Variants in VEPH1 observed in about 807,000 individuals in gnomAD.
The protein encoded by VEPH1 is ventricular zone expressed PH domain containing 1, also known as ventricular zone-expressed PH domain-containing protein homolog 1.
A neutral mutation model predicts 85.2 loss-of-function variants in VEPH1; 80 were observed. That is an observed-to-expected ratio of 0.94 (90% CI 0.78 to 1.13). The LOEUF (loss-of-function observed/expected upper bound fraction) is 1.13. Among genes scored for constraint, VEPH1 ranks in the 50% most tolerant of loss-of-function variants. The pLI is 0.00. For synonymous variants in VEPH1, 297 were observed against 348.0 expected, an observed-to-expected ratio of 0.85 and a Z score of 1.63; for missense variants, 955 against 980.5, an observed-to-expected ratio of 0.97 and a Z score of 0.35.
chr3:157,341,377 T>C (rs1723541412), intron 9 of VEPH1, among the ~76,000 whole-genome samples: 1 of 152,120 alleles, frequency 6.6e-6, no homozygotes. Flanking sequence ...ATATGACGAA[T>C]GCACAAGCTT....
rs890879335 is a variant in VEPH1, at chr3:157,452,248, G to A, written c.529+7933C>T. On this transcript the variant is annotated intron_variant, in intron 4 of 13. Coordinates refer to ENST00000362010, the MANE Select transcript of VEPH1 (RefSeq NM_001167912.2). Reference sequence around the variant, plus strand: ...ATCTTGCAAATGGATGCAGAAACAAGTCATCATCTGCTGAGTGAGCAAGCT... The same window carrying A: ...ATCTTGCAAATGGATGCAGAAACAAATCATCATCTGCTGAGTGAGCAAGCT... Among the ~76,000 whole-genome samples, 4 of 152,174 alleles carry A rather than the reference G, an allele frequency of 2.6e-5. No homozygotes were observed. In the East Asian group the frequency reaches 7.7e-4, roughly 29 times the overall value.
rs141957470 is a variant in VEPH1 at position 157,335,177 on chromosome 3, T to C, written c.1736-17976A>G. Among the ~76,000 whole-genome samples, 429 of 152,204 alleles carry C rather than the reference T, an allele frequency of 2.8e-3. 5 individuals are homozygous for C. The East Asian group carries it at 0.043, about 15-fold the overall frequency. On this transcript the variant is annotated intron_variant, in intron 9 of 13. Transcript: ENST00000362010. ...CACTGGGAAATTGGGAGGTGTTTTT[T>C]TCTTTGACATTCTCAAATACAGTAG...
chr3:157,461,271 T>C (rs1470301865), intron 3 of VEPH1, among the ~76,000 whole-genome samples: 2 of 152,278 alleles, frequency 1.3e-5, no homozygotes, highest in African/African-American at 4.8e-5. Context: ...TTCTACCACA[T>C]AATGTTTTGG....
chr3:157,438,062 C>A (rs1205924981), intron 4 of VEPH1: 2 of 755,400 alleles, frequency 2.6e-6, no homozygotes, highest in Middle Eastern at 3.7e-4. Flanking sequence ...CACACACACA[C>A]ACACACACAC....
rs1466284308 is a variant in VEPH1, at chr3:157,375,293, T to C, written c.1127+5863A>G. On this transcript the variant is annotated intron_variant, in intron 7 of 13. Coordinates refer to ENST00000362010, the MANE Select transcript of VEPH1 (RefSeq NM_001167912.2). Reference sequence around the variant, plus strand: ...CCCCTGTTCTCTGCAGTTTGTGTTGTGGACTCAGTGAAGAGCGATTACTTT... The same window carrying C: ...CCCCTGTTCTCTGCAGTTTGTGTTGCGGACTCAGTGAAGAGCGATTACTTT... Among the ~76,000 whole-genome samples the C allele has an allele frequency of 2.0e-5, 3 of 152,220 alleles. No homozygotes were observed. The East Asian group carries it at 5.8e-4, about 29-fold the overall frequency.
At chr3:157,496,859 ACT>A (rs1157831709) in intron 1 of VEPH1, among the ~76,000 whole-genome samples, 1 of 152,158 alleles carries the variant, frequency 6.6e-6, no homozygotes, top group East Asian at 1.9e-4. Flanking sequence ...TAAGGAAAAT[ACT>A]CTCTATATGC....
chr3:157,405,617 T>C (rs1731084786), intron 6 of VEPH1, among the ~76,000 whole-genome samples: 1 of 152,140 alleles, frequency 6.6e-6, no homozygotes, highest in African/African-American at 2.4e-5. Flanking sequence ...CTCACAGCCT[T>C]TTCCTGGCTG....
intron 12 of VEPH1, chr3:157,285,179 A>T (rs950851275): frequency 7.2e-5 from 11 of 152,204 alleles, no homozygotes; most frequent in Admixed American, 4.6e-4. Flanking sequence ...AAGTTTTATA[A>T]TGGAGGCAGT....
intron 9 of VEPH1, among the ~76,000 whole-genome samples, chr3:157,336,491 C>T (rs1722982082): frequency 6.6e-6 from 1 of 152,222 alleles, no homozygotes; most frequent in Non-Finnish European, 1.5e-5. Context: ...GTTCAGTGAA[C>T]ACTCTTGCAT....
intron 13 of VEPH1, 30 bp from the exon 14 acceptor site, chr3:157,261,400 G>T (rs370498016): frequency 1.9e-5 from 30 of 1,609,774 alleles, no homozygotes; most frequent in Non-Finnish European, 2.4e-5. Flanking sequence ...AAGAACATGG[G>T]CTGGCTGTTA....
rs145684177 is a variant in VEPH1, at chr3:157,308,581, C to CA, written c.2010+5039dup. 5.6e-3 allele frequency among the ~76,000 whole-genome samples: 848 copies of CA among 151,914 alleles called. 9 individuals are homozygous for CA. Among genetic ancestry groups the CA allele is most frequent in the Middle Eastern group, 0.027 (8 of 294 alleles). ...GGAATGTCCTTTTTTTTGCCCCTCT[C>CA]AAAAATTTTCAAACTAGTCTCACCT... On this transcript the variant is annotated intron_variant, in intron 11 of 13. Coordinates refer to ENST00000362010, the MANE Select transcript of VEPH1 (RefSeq NM_001167912.2).
intron 6 of VEPH1, chr3:157,409,562 G>A: frequency 1.1e-6 from 1 of 931,930 alleles, no homozygotes; most frequent in Non-Finnish European, 1.3e-6. Context: ...CTGGGAGATA[G>A]AGAAAATAAG....
In VEPH1 at chr3:157,317,165, G is replaced by T. The variant is rs1293963882; in HGVS notation, c.1772C>A (p.Thr591Asn). The T allele has an allele frequency of 6.2e-7, 1 of 1,612,170 alleles. No homozygotes were observed. Among genetic ancestry groups the T allele is most frequent in the East Asian group, 2.2e-5 (1 of 44,750 alleles). ...VRSCVAKLFF[T>N]CSLKGHYCLY... Reference sequence around the variant, plus strand: ...GCAGTAATGACCCTTCAGGGAGCAGGTGAAGAACAACTTTGCTACACAACT... The same window carrying T: ...GCAGTAATGACCCTTCAGGGAGCAGTTGAAGAACAACTTTGCTACACAACT... The change falls in exon 10 of 14, where the codon ACC becomes AAC. Residue 591 changes from threonine to asparagine, a missense_variant. Transcript: ENST00000362010.
chr3:157,283,626 C>T (rs1001390223), intron 12 of VEPH1, among the ~76,000 whole-genome samples: 2 of 152,154 alleles, frequency 1.3e-5, no homozygotes, highest in African/African-American at 4.8e-5. Context: ...TGTCAGTAAG[C>T]TGAGATACTG....
chr3:157,369,396 A>T (rs1414720421), intron 7 of VEPH1, among the ~76,000 whole-genome samples: 1 of 152,196 alleles, frequency 6.6e-6, no homozygotes, highest in Non-Finnish European at 1.5e-5. Flanking sequence ...AATGTCTGGG[A>T]TAAAGAAATG....
At chr3:157,464,789 A>G (rs1175668906) in intron 3 of VEPH1, among the ~76,000 whole-genome samples, 3 of 152,204 alleles carry the variant, frequency 2.0e-5, no homozygotes, top group African/African-American at 7.2e-5. Context: ...ATAGCAACTA[A>G]AAAGCTCTTT....
intron 3 of VEPH1, among the ~76,000 whole-genome samples, chr3:157,468,835 G>C (rs1285210737): frequency 6.6e-6 from 1 of 151,932 alleles, no homozygotes; most frequent in Non-Finnish European, 1.5e-5. Flanking sequence ...CAGTTCAGTG[G>C]TAATAAATAT....
chr3:157,295,737 T>C lies in VEPH1; in HGVS notation c.2011-9063A>G, dbSNP rs1017335707. 2.6e-5 allele frequency among the ~76,000 whole-genome samples: 4 copies of C among 152,134 alleles called. No homozygotes were observed. The South Asian group carries it at 8.3e-4, about 31-fold the overall frequency. On this transcript the variant is annotated intron_variant, in intron 11 of 13. Transcript: ENST00000362010. ...TGGGAGGCTGAGGCAGGCGGATCAC[T>C]TGAGCTCAGGAGTTGGAGACCAGCC...
At chr3:157,451,683 T>C (rs1301624560) in intron 4 of VEPH1, among the ~76,000 whole-genome samples, 1 of 152,080 alleles carries the variant, frequency 6.6e-6, no homozygotes, top group Non-Finnish European at 1.5e-5. Flanking sequence ...GTTAAAAATA[T>C]GATCAAGGAA....
Sources: gnomAD v4.1 joint callset for allele counts (sites outside exome capture counted in the v4.1 genomes callset) on GRCh38, gnomAD v4.1.1 for gene constraint, MANE v1.5 for transcripts, NCBI Gene and HGNC (gene_info 2026-07-23, HGNC 2026-07-21) for gene names.